The following HMCN2 variants were observed in gnomAD, a reference collection of about 807,000 sequenced individuals.
The protein encoded by HMCN2 is hemicentin 2.
HMCN2 carries 325 observed loss-of-function variants against 377.5 expected under a neutral mutation model. The observed-to-expected ratio is 0.86, with a 90% CI of 0.79 to 0.94. HMCN2 has a LOEUF of 0.94. Ranked by LOEUF, HMCN2 falls within the 40% of genes least tolerant of loss-of-function variation. The probability of loss-of-function intolerance (pLI) is 0.00; values close to 1 mark genes in which losing one functional copy is unlikely to be tolerated. For missense variants in HMCN2, 4,543 were observed against 4,725.3 expected (o/e 0.96, Z 1.13); for synonymous variants, 2,007 against 2,046.8 (o/e 0.98, Z 0.53).
At position 130,349,084 on chromosome 9, in the gene HMCN2, A is replaced by G. The variant is rs778953959; in HGVS notation, c.4256A>G (p.Glu1419Gly). 1.2e-5 allele frequency: 15 copies of G among 1,304,258 alleles called. No individual in the cohort carries two copies. Among genetic ancestry groups the G allele is most frequent in the Non-Finnish European group, 1.5e-5 (15 of 988,914 alleles). The allele number at this position is 1,304,258 out of a possible 1,614,324, so 80.8% of individuals were successfully genotyped here. A position where few individuals can be genotyped will look rare whatever the true frequency, so the allele number is the denominator to read the frequency against. The change falls in exon 28 of 98, where the codon GAG becomes GGG. Residue 1419 changes from glutamate to glycine, a missense_variant. Glu to Gly is a moderately conservative substitution (Grantham distance 98). Coordinates refer to ENST00000683500, the MANE Select transcript of HMCN2 (RefSeq NM_001291815.2). ...TCTGGGCTCTACTCCTGCCGGGCAG[A>G]GAACCAGGCTGGCACCGCCCAGAGG... ...GDSGLYSCRA[E>G]NQAGTAQRDF...
intron 4 of HMCN2, among the ~76,000 whole-genome samples, chr9:130,291,746 C>T (rs371102390): frequency 3.7e-4 from 56 of 152,288 alleles, no homozygotes; most frequent in South Asian, 2.1e-3. Context: ...CCCACAATAT[C>T]GTCTAATAAA....
chr9:130,358,412 A>G lies in HMCN2; in HGVS notation c.5603A>G (p.Asp1868Gly), dbSNP rs1445981517. The part of the protein sequence containing the change: ...NLQIEKVDLR[D>G]EGIYTCAATN... ...CAGATTGAGAAGGTGGACCTGAGGG[A>G]CGAGGGCATCTACACTTGTGCTGCT... The change falls in exon 36 of 98, where the codon GAC (aspartate) becomes GGC (glycine). Residue 1868 changes from aspartate (D) to glycine (G), a missense_variant. By Grantham distance (94) the Asp-to-Gly change is moderately conservative. Transcript: ENST00000683500. The G allele has an allele frequency of 3.1e-6, 4 of 1,303,946 alleles. No individual in the cohort carries two copies. The highest frequency in any genetic ancestry group is 4.0e-6 in the Non-Finnish European group (4 of 988,876). The allele number at this position is 1,303,946 out of a possible 1,614,324, so 80.8% of individuals were successfully genotyped here. A position where few individuals can be genotyped will look rare whatever the true frequency, so the allele number is the denominator to read the frequency against.
At chr9:130,402,750 C>T (rs1281437091) in intron 77 of HMCN2, 39 bp from the exon 78 acceptor site, 7 of 1,228,870 alleles carry the variant, frequency 5.7e-6, no homozygotes, top group Non-Finnish European at 3.2e-6. Context: ...TCCCTGGGGA[C>T]CTCTGTCCTG....
At chr9:130,290,462 G>A (rs1161588370) in intron 4 of HMCN2, among the ~76,000 whole-genome samples, 1 of 152,220 alleles carries the variant, frequency 6.6e-6, no homozygotes, top group Non-Finnish European at 1.5e-5. Context: ...CACTCCTCTG[G>A]GTAATTGTCG....
chr9:130,427,326 C>T lies in HMCN2; in HGVS notation c.13893C>T (p.Val4631=), dbSNP rs376478956. ...TTTGCTTTGCAGAGGAGAACGAGGT[C>T]GGCTGCCCCGAGGGCTTTGAGCTGG... is the stretch of plus-strand genomic sequence containing the variant. ...ATALQAEENE[V]GCPEGFELDS... is the part of the protein sequence containing the mutation. The change falls in exon 91 of 98, where the codon GTC becomes GTT. Residue 4631 remains valine, a synonymous_variant. Coordinates refer to ENST00000683500, the MANE Select transcript of HMCN2 (RefSeq NM_001291815.2). The T allele has an allele frequency of 2.9e-5, 45 of 1,550,530 alleles. 1 individual carries two copies. The highest frequency in any genetic ancestry group is 2.0e-4 in the East Asian group (8 of 40,916).
chr9:130,354,586 G>A (rs1839919691), intron 31 of HMCN2, among the ~76,000 whole-genome samples, 177 bp from the exon 32 acceptor site: 1 of 152,200 alleles, frequency 6.6e-6, no homozygotes, highest in Admixed American at 6.5e-5. Flanking sequence ...AGGGGCTGAG[G>A]AGGGTGAGAA....
chr9:130,343,615 C>G (rs1055076832), intron 25 of HMCN2, among the ~76,000 whole-genome samples: 4 of 152,132 alleles, frequency 2.6e-5, no homozygotes, highest in Non-Finnish European at 5.9e-5. Flanking sequence ...AGCCGTTCTG[C>G]GCTTTTGGGA....
At position 130,286,204 on chromosome 9, in the gene HMCN2, C is replaced by T. The variant is rs193181256; in HGVS notation, c.506C>T (p.Thr169Met). 1.6e-4 allele frequency: 73 copies of T among 470,954 alleles called. No individual in the cohort carries two copies. Among genetic ancestry groups the T allele is most frequent in the Non-Finnish European group, 2.2e-4 (51 of 227,020 alleles). The allele number at this position is 470,954 out of a possible 1,614,324, so 29.2% of individuals were successfully genotyped here. The change falls in exon 4 of 98, where the codon ACG becomes ATG. Residue 169 changes from threonine to methionine, a missense_variant. This residue lies in a region of HMCN2 where 547 missense variants were observed against 189.9 expected (regional missense o/e 2.88). Coordinates refer to ENST00000683500, the MANE Select transcript of HMCN2 (RefSeq NM_001291815.2). The part of the protein sequence containing the change: ...LKQSQVVFVL[T>M]GDCGDRTHPG... ...ATCTTCCAGGTGGTCTTTGTGCTGA[C>T]GGGGGACTGTGGCGACCGCACCCAT...
At position 130,391,138 on chromosome 9, in the gene HMCN2, C is replaced by G; in HGVS notation, c.9667+18C>G. 1 of 987,838 alleles carries G rather than the reference C, an allele frequency of 1.0e-6. No homozygotes were observed. Among genetic ancestry groups the G allele is most frequent in the East Asian group, 1.1e-4 (1 of 8,798 alleles). 61.2% of individuals were successfully genotyped at this position (987,838 alleles called of 1,614,324 possible). The stretch of plus-strand genomic sequence containing the variant: ...AGTGCTGGGTAGGTCTGCGCCTGCA[C>G]CCTCCTGTCCCACTCCCATGGCAGC... On this transcript the variant is annotated intron_variant, in intron 63 of 97. Transcript: ENST00000683500.
At chr9:130,282,335 C>T (rs923809177) in intron 1 of HMCN2, among the ~76,000 whole-genome samples, 1 of 152,162 alleles carries the variant, frequency 6.6e-6, no homozygotes, top group Non-Finnish European at 1.5e-5. Flanking sequence ...GGAGAAATGG[C>T]GTTGTTACAT....
chr9:130,394,339 C>T lies in HMCN2; in HGVS notation c.10502-46C>T, dbSNP rs143978367. On this transcript the variant is annotated intron_variant, in intron 68 of 97. Coordinates refer to ENST00000683500, the MANE Select transcript of HMCN2 (RefSeq NM_001291815.2). The surrounding 1 kb of genome is among the most constrained non-coding windows in gnomAD (Gnocchi z 5.1). ...AGTGTTTTCAAGTGCGGTGCTGTCC[C>T]GGAAATGTGTGTCAATTGTGTGTTC... 2.4e-5 allele frequency: 29 copies of T among 1,214,030 alleles called. No homozygotes were observed. Among genetic ancestry groups the T allele is most frequent in the African/African-American group, 2.3e-4 (15 of 64,546 alleles). The allele number at this position is 1,214,030 out of a possible 1,614,324, so 75.2% of individuals were successfully genotyped here. A position where few individuals can be genotyped will look rare whatever the true frequency, so the allele number is the denominator to read the frequency against.
chr9:130,343,324 C>A (rs1196945162), intron 25 of HMCN2, among the ~76,000 whole-genome samples: 1 of 152,182 alleles, frequency 6.6e-6, no homozygotes, highest in Admixed American at 6.5e-5. Context: ...GTCACCAAAG[C>A]CTGACAGGAG....
At chr9:130,432,333 T>G (rs1250699875) in intron 96 of HMCN2, 96 bp from the exon 97 acceptor site, 1 of 1,144,854 alleles carries the variant, frequency 8.7e-7, no homozygotes, top group Non-Finnish European at 1.3e-6. Context: ...CCCACCTCAC[T>G]GGTCCCCCAA....
chr9:130,409,408 G>A (rs1327077662), intron 84 of HMCN2, among the ~76,000 whole-genome samples: 1 of 152,124 alleles, frequency 6.6e-6, no homozygotes, highest in Non-Finnish European at 1.5e-5. Flanking sequence ...CAAAGCCTTG[G>A]GCCCTGGGGC....
Position 130,332,456 on chromosome 9 carries a change from G to A in HMCN2, c.3359+4981G>A, listed in dbSNP as rs994039094. ...TGCCTGCCTGGTAGGTCTGGCTGTTGGGATTCTAAGTGAGAGCGTGTTTGG... is the reference window on the plus strand; with the variant it reads ...TGCCTGCCTGGTAGGTCTGGCTGTTAGGATTCTAAGTGAGAGCGTGTTTGG... On this transcript the variant is annotated intron_variant, in intron 22 of 97. Coordinates refer to ENST00000683500, the MANE Select transcript of HMCN2 (RefSeq NM_001291815.2). Among the ~76,000 whole-genome samples the A allele has an allele frequency of 1.1e-4, 17 of 152,318 alleles. 1 individual carries two copies. In the South Asian group the frequency reaches 3.3e-3, roughly 30 times the overall value.
rs745418351 is a variant in HMCN2, at chr9:130,399,639, C to T, written c.11605+7C>T. On this transcript the variant is annotated splice_region_variant and intron_variant, in intron 76 of 97. Transcript: ENST00000683500. ...TACCAGGTGACCGTCCATGGTGAGTCGGGGCAGAGGTGGAGGGGGACACCT... is the reference window on the plus strand; with the variant it reads ...TACCAGGTGACCGTCCATGGTGAGTTGGGGCAGAGGTGGAGGGGGACACCT... 25 of 1,287,094 alleles carry T rather than the reference C, an allele frequency of 1.9e-5. No individual in the cohort carries two copies. Among genetic ancestry groups the T allele is most frequent in the South Asian group, 4.9e-5 (4 of 80,876 alleles). The allele number at this position is 1,287,094 out of a possible 1,614,324, so 79.7% of individuals were successfully genotyped here. A position where few individuals can be genotyped will look rare whatever the true frequency, so the allele number is the denominator to read the frequency against.
Position 130,304,733 on chromosome 9 carries a change from C to T in HMCN2, c.1547C>T (p.Pro516Leu). Residue 516 changes from proline to leucine, a missense_variant, in exon 11 of 98, where the codon CCC becomes CTC. Physicochemically the swap from Pro to Leu is moderately conservative, Grantham distance 98. Transcript: ENST00000683500. This position sits in a 1 kb window ranked among gnomAD's most constrained non-coding sequence, Gnocchi z 4.3. Reference protein sequence around the residue: ...RAKAQIVVTDPPPQLVPAPNV... With the variant: ...RAKAQIVVTDLPPQLVPAPNV... The stretch of plus-strand genomic sequence containing the variant: ...TCCTGTGCTCATGTCCCTGCAGACC[C>T]CCCGCCGCAGCTGGTCCCTGCTCCC... 2.2e-6 allele frequency: 1 copy of T among 462,974 alleles called. No homozygotes were observed. Among genetic ancestry groups the T allele is most frequent in the Middle Eastern group, 4.1e-4 (1 of 2,458 alleles). 28.7% of individuals were successfully genotyped at this position (462,974 alleles called of 1,614,324 possible).
At position 130,357,962 on chromosome 9, in the gene HMCN2, C is replaced by T. The variant is rs1222134000; in HGVS notation, c.5554C>T (p.Leu1852=). The T allele has an allele frequency of 1.5e-6, 2 of 1,304,142 alleles. No homozygotes were observed. Among genetic ancestry groups the T allele is most frequent in the South Asian group, 1.2e-5 (1 of 81,026 alleles). The allele number at this position is 1,304,142 out of a possible 1,614,324, so 80.8% of individuals were successfully genotyped here. A position where few individuals can be genotyped will look rare whatever the true frequency, so the allele number is the denominator to read the frequency against. The change falls in exon 35 of 98, where the codon CTG becomes TTG. Residue 1852 remains leucine, a synonymous_variant. Coordinates refer to ENST00000683500, the MANE Select transcript of HMCN2 (RefSeq NM_001291815.2). ...SLRWWKDGVA[L]AAFGGNLQIE... ...CCGTTGGTGGAAGGATGGTGTAGCC[C>T]TGGCAGCCTTTGGGGGGAACCTACA...
At chr9:130,430,188 A>C in intron 94 of HMCN2, 96 bp from the exon 95 acceptor site, 1 of 1,028,802 alleles carries the variant, frequency 9.7e-7, no homozygotes, top group Non-Finnish European at 1.4e-6. Flanking sequence ...GATTCTAGGG[A>C]ATGCCAACAA....
Sources: gnomAD v4.1 joint callset for allele counts (sites outside exome capture counted in the v4.1 genomes callset) on GRCh38, gnomAD v4.1.1 for gene constraint, gnomAD v4.1.1 regional missense constraint, Gnocchi (gnomAD v3.1) non-coding constraint, MANE v1.5 for transcripts, NCBI Gene and HGNC (gene_info 2026-07-23, HGNC 2026-07-21) for gene names.